PLXNA2: variants seen among roughly 807,000 people sequenced by gnomAD.
PLXNA2 encodes plexin A2, also known as plexin-A2.
In PLXNA2, 91 loss-of-function variants were observed where a neutral mutation model predicts 193.5. That is an observed-to-expected ratio of 0.47 (90% CI 0.40 to 0.56). PLXNA2 has a LOEUF of 0.56. Among genes scored for constraint, PLXNA2 ranks in the 20% least tolerant of loss-of-function variants. The pLI, the probability that PLXNA2 is intolerant of heterozygous loss-of-function variation, is 0.00. For synonymous variants in PLXNA2, 997 were observed against 1,027.3 expected (o/e 0.97, Z 0.56); for missense variants, 1,995 against 2,503.2 (o/e 0.80, Z 4.33).
chr1:208,029,904 T>A, intron 29 of PLXNA2: 1 of 985,528 alleles, frequency 1.0e-6, no homozygotes, highest in Non-Finnish European at 1.2e-6. Context: ...GGGCTTTAAC[T>A]CTTTTGACTC....
intron 4 of PLXNA2, among the ~76,000 whole-genome samples, chr1:208,118,959 A>G (rs1667724945): frequency 6.6e-6 from 1 of 152,208 alleles, no homozygotes; most frequent in Admixed American, 6.5e-5. Context: ...TTTAATCAGA[A>G]CATTGCCGGA....
intron 4 of PLXNA2, among the ~76,000 whole-genome samples, chr1:208,140,176 G>A (rs1243341617): frequency 6.6e-6 from 1 of 152,172 alleles, no homozygotes; most frequent in South Asian, 2.1e-4. Context: ...GATAAGCTGT[G>A]TGGACACTTG....
At chr1:208,165,846 T>C (rs1439835829) in intron 3 of PLXNA2, among the ~76,000 whole-genome samples, 3 of 152,192 alleles carry the variant, frequency 2.0e-5, no homozygotes, top group East Asian at 1.9e-4. Context: ...GTCTCATTTT[T>C]TGATCAGAGA....
At chr1:208,241,775 C>T (rs1017083891) in intron 1 of PLXNA2, among the ~76,000 whole-genome samples, 2 of 152,140 alleles carry the variant, frequency 1.3e-5, no homozygotes, top group Non-Finnish European at 2.9e-5. Flanking sequence ...CGATCGGCTG[C>T]GGAGTGGAGG....
At chr1:208,067,485 C>T (rs895045263) in intron 12 of PLXNA2, among the ~76,000 whole-genome samples, 5 of 152,136 alleles carry the variant, frequency 3.3e-5, no homozygotes, top group Non-Finnish European at 7.3e-5. Flanking sequence ...TAGGCCTTCA[C>T]ATTCACTCAC....
At chr1:208,113,779 C>T (rs990630937) in intron 4 of PLXNA2, among the ~76,000 whole-genome samples, 2 of 152,106 alleles carry the variant, frequency 1.3e-5, no homozygotes, top group East Asian at 3.9e-4. Flanking sequence ...CGGTCTTGAA[C>T]CCCTGGGCTC....
At chr1:208,125,781 G>A (rs1374506018) in intron 4 of PLXNA2, among the ~76,000 whole-genome samples, 1 of 152,188 alleles carries the variant, frequency 6.6e-6, no homozygotes, top group East Asian at 1.9e-4. Flanking sequence ...ATGGCCCTGG[G>A]AGGGGATAGG....
intron 4 of PLXNA2, among the ~76,000 whole-genome samples, chr1:208,115,950 T>C (rs1275511150): frequency 1.3e-5 from 2 of 152,226 alleles, no homozygotes; most frequent in East Asian, 1.9e-4. Flanking sequence ...TCAGGAAGTT[T>C]ATAGTCCAAA....
intron 3 of PLXNA2, among the ~76,000 whole-genome samples, chr1:208,157,721 G>C (rs146892535): frequency 6.6e-6 from 1 of 152,344 alleles, no homozygotes; most frequent in African/African-American, 2.4e-5. Flanking sequence ...GGGTATTTGA[G>C]AACAGTGTGC....
intron 3 of PLXNA2, among the ~76,000 whole-genome samples, chr1:208,190,361 A>G (rs2102563106): frequency 6.6e-6 from 1 of 152,338 alleles, no homozygotes; most frequent in South Asian, 2.1e-4. Context: ...ATAACTGCAT[A>G]TTATGTGAAT....
chr1:208,098,481 C>CACACAA (rs1173460119), intron 6 of PLXNA2, among the ~76,000 whole-genome samples: 1 of 151,626 alleles, frequency 6.6e-6, no homozygotes, highest in Non-Finnish European at 1.5e-5. Context: ...CACACACACA[C>CACACAA]ACACACACAC....
At chr1:208,172,727 G>A (rs1335242519) in intron 3 of PLXNA2, among the ~76,000 whole-genome samples, 1 of 152,198 alleles carries the variant, frequency 6.6e-6, no homozygotes, top group Non-Finnish European at 1.5e-5. Flanking sequence ...AGGGCTGAGA[G>A]TGCTCAGGCC....
At position 208,114,494 on chromosome 1, in the gene PLXNA2, T is replaced by C. The variant is rs113302885; in HGVS notation, c.1507-11247A>G. Among the ~76,000 whole-genome samples, 419 of 152,364 alleles carry C rather than the reference T, an allele frequency of 2.7e-3. 3 individuals are homozygous for C. Among genetic ancestry groups the C allele is most frequent in the Non-Finnish European group, 5.1e-3 (350 of 68,040 alleles). On this transcript the variant is annotated intron_variant, in intron 4 of 31. Coordinates refer to ENST00000367033, the MANE Select transcript of PLXNA2 (RefSeq NM_025179.4). ...CAGGGAGCTAGCTCAGCATTATCCA[T>C]AGGTGCCGGATCTGAGACCAGACTC...
At chr1:208,130,008 T>G (rs2102464346) in intron 4 of PLXNA2, among the ~76,000 whole-genome samples, 2 of 152,338 alleles carry the variant, frequency 1.3e-5, no homozygotes, top group East Asian at 3.9e-4. Context: ...GACTGTTTGC[T>G]AAGTCACCAA....
In PLXNA2 at chr1:208,113,566, T is replaced by TG. The variant is rs1185789140; in HGVS notation, c.1507-10320_1507-10319insC. On this transcript the variant is annotated intron_variant, in intron 4 of 31. Coordinates refer to ENST00000367033, the MANE Select transcript of PLXNA2 (RefSeq NM_025179.4). Reference sequence around the variant, plus strand: ...TCTCTCTTTTTTTTTTTTTTTTTTTTTGAGATGCGGTCTTGCTCTGTTGCC... The same window carrying TG: ...TCTCTCTTTTTTTTTTTTTTTTTTTTGTGAGATGCGGTCTTGCTCTGTTGCC... 4.1e-3 allele frequency among the ~76,000 whole-genome samples: 607 copies of TG among 149,612 alleles called. 6 individuals carry two copies. The highest frequency in any genetic ancestry group is 0.014 in the African/African-American group (551 of 40,466).
rs1213724508 is a variant in PLXNA2, at chr1:208,188,709, C to CAA, written c.1371+21569_1371+21570dup. On this transcript the variant is annotated intron_variant, in intron 3 of 31. Coordinates refer to ENST00000367033, the MANE Select transcript of PLXNA2 (RefSeq NM_025179.4). ...GGGCATCAAGAATGAAACTCTGTCT[C>CAA]AAAAAAAAAAAAAAAAAGAAAAAAA... is the stretch of plus-strand genomic sequence containing the variant. Among the ~76,000 whole-genome samples the CAA allele has an allele frequency of 3.9e-3, 278 of 71,442 alleles. 2 individuals carry two copies. Among genetic ancestry groups the CAA allele is most frequent in the African/African-American group, 0.012 (237 of 18,978 alleles). 46.9% of individuals were successfully genotyped at this position (71,442 alleles called of 152,430 possible). A position where few individuals can be genotyped will look rare whatever the true frequency, so the allele number is the denominator to read the frequency against.
intron 3 of PLXNA2, among the ~76,000 whole-genome samples, chr1:208,186,534 C>A (rs938595095): frequency 6.6e-6 from 1 of 152,118 alleles, no homozygotes; most frequent in South Asian, 2.1e-4. Flanking sequence ...ACAGAGAATG[C>A]CAGCAGGTGT....
chr1:208,190,157 T>A (rs185856450), intron 3 of PLXNA2, among the ~76,000 whole-genome samples: 2 of 152,186 alleles, frequency 1.3e-5, no homozygotes, highest in Admixed American at 1.3e-4. Flanking sequence ...GAAAAGGGAT[T>A]TTTTTTTCAT....
At chr1:208,143,509 A>G (rs1050166203) in intron 3 of PLXNA2, among the ~76,000 whole-genome samples, 8 of 152,354 alleles carry the variant, frequency 5.3e-5, no homozygotes, top group African/African-American at 1.9e-4. Context: ...CTAAGGTCAT[A>G]CAAAAAGTTG....
Sources: gnomAD v4.1 joint callset for allele counts (sites outside exome capture counted in the v4.1 genomes callset) on GRCh38, gnomAD v4.1.1 for gene constraint, MANE v1.5 for transcripts, NCBI Gene and HGNC (gene_info 2026-07-23, HGNC 2026-07-21) for gene names.